Variants in GMNC observed in about 807,000 individuals in gnomAD.
The protein encoded by GMNC is geminin coiled-coil domain-containing protein 1.
In GMNC, 16 loss-of-function variants were observed where a neutral mutation model predicts 33.6. That is an observed-to-expected ratio of 0.48 (90% CI 0.32 to 0.72). GMNC has a LOEUF of 0.72. GMNC is among the 30% of genes least tolerant of loss of function. GMNC has a pLI of 0.03. For missense variants in GMNC, 393 were observed against 388.9 expected (o/e 1.01, Z -0.09); for synonymous variants, 156 against 147.3 (o/e 1.06, Z -0.43).
rs545760922 is a variant in GMNC, at chr3:190,861,231, A to G, written c.4-373T>C. On this transcript the variant is annotated intron_variant, in intron 1 of 4. Transcript: ENST00000442080. The surrounding 1 kb of genome is among the most constrained non-coding windows in gnomAD (Gnocchi z 5.1). ...TTAATGATTCAAAACCATAAGAACT[A>G]TTTGGTTCTTTCTGCAAATACCTTA... is the stretch of plus-strand genomic sequence containing the variant. Among the ~76,000 whole-genome samples the G allele has an allele frequency of 1.6e-4, 24 of 152,320 alleles. No homozygotes were observed. In the East Asian group the frequency reaches 4.6e-3, roughly 29 times the overall value.
At position 190,862,366 on chromosome 3, in the gene GMNC, G is replaced by GAGAC. The variant is rs1050178888; in HGVS notation, c.3+246_3+247insGTCT. 1.4e-5 allele frequency among the ~76,000 whole-genome samples: 2 copies of GAGAC among 144,308 alleles called. No homozygotes were observed. The highest frequency in any genetic ancestry group is 5.0e-5 in the African/African-American group (2 of 39,750). The allele number at this position is 144,308 out of a possible 152,430, so 94.7% of individuals were successfully genotyped here. ...AAGGAAAGTAGTAATAACAGAAAGA[G>GAGAC]AGAGAGAGGGCGAGAGAGAGAAAGG... On this transcript the variant is annotated intron_variant, in intron 1 of 4. Transcript: ENST00000442080. The surrounding 1 kb of genome is among the most constrained non-coding windows in gnomAD (Gnocchi z 4.5).
the GMNC span, among the ~76,000 whole-genome samples, chr3:190,846,457 CAT>C: frequency 2.2e-4 from 34 of 152,028 alleles, no homozygotes; most frequent in Non-Finnish European, 4.4e-4. Flanking sequence ...TTCACATATA[CAT>C]ATGTGTGTAT....
chr3:190,846,201 C>T, the GMNC span, among the ~76,000 whole-genome samples: 11 of 151,966 alleles, frequency 7.2e-5, no homozygotes, highest in Admixed American at 2.0e-4. Context: ...GCACTCCAAC[C>T]TGGGTGACAG....
rs542619794 is a variant in GMNC, at chr3:190,860,759, T to C, written c.103A>G (p.Thr35Ala). Residue 35 changes from threonine to alanine, a missense_variant, in exon 2 of 5, where the codon ACG (threonine) becomes GCG (alanine). By Grantham distance (58) the Thr-to-Ala change is moderately conservative. Transcript: ENST00000442080. Reference protein sequence around the residue: ...TTSESSVDVSTETWVSFWAAG... With the variant: ...TTSESSVDVSAETWVSFWAAG... ...GCCCAGAAAGAGACCCAAGTCTCCG[T>C]GGAAACGTCAACACTAGATTCTGAC... 1 of 1,551,580 alleles carries C rather than the reference T, an allele frequency of 6.4e-7. No individual in the cohort carries two copies. The highest frequency in any genetic ancestry group is 1.4e-5 in the African/African-American group (1 of 73,158).
intron 2 of GMNC, among the ~76,000 whole-genome samples, chr3:190,860,169 T>C (rs1209790848): frequency 6.6e-6 from 1 of 152,266 alleles, no homozygotes; most frequent in Non-Finnish European, 1.5e-5. Context: ...ATATGTCATT[T>C]TACATCAATG....
downstream of GMNC, among the ~76,000 whole-genome samples, chr3:190,851,322 C>T (rs1187450690): frequency 1.3e-5 from 2 of 152,172 alleles, no homozygotes; most frequent in African/African-American, 4.8e-5. Context: ...GCTCACAGAC[C>T]TTATCCCATG....
chr3:190,861,460 A>ATCTATCTATCTATCTG lies in GMNC; in HGVS notation c.4-603_4-602insCAGATAGATAGATAGA, dbSNP rs1306583190. ...CTGTCTGTCTGTCTGCCTATCATCT[A>ATCTATCTATCTATCTG]TCTATCTATCTATCTATCTATCTAT... On this transcript the variant is annotated intron_variant, in intron 1 of 4. Coordinates refer to ENST00000442080, the MANE Select transcript of GMNC (RefSeq NM_001146686.3). The surrounding 1 kb of genome is among the most constrained non-coding windows in gnomAD (Gnocchi z 5.1). Among the ~76,000 whole-genome samples, 48 of 56,988 alleles carry ATCTATCTATCTATCTG rather than the reference A, an allele frequency of 8.4e-4. No individual in the cohort carries two copies. The highest frequency in any genetic ancestry group is 1.8e-3 in the Non-Finnish European group (44 of 25,006). 37.4% of individuals were successfully genotyped at this position (56,988 alleles called of 152,430 possible). A position where few individuals can be genotyped will look rare whatever the true frequency, so the allele number is the denominator to read the frequency against.
chr3:190,859,902 G>C, intron 2 of GMNC: 1 of 421,448 alleles, frequency 2.4e-6, no homozygotes, highest in Non-Finnish European at 4.8e-6. Context: ...CACATTCTTG[G>C]GCATTTTGTT....
chr3:190,862,420 A>G lies in GMNC; in HGVS notation c.3+193T>C, dbSNP rs1011819933. 1.1e-4 allele frequency among the ~76,000 whole-genome samples: 16 copies of G among 147,920 alleles called. No homozygotes were observed. Among genetic ancestry groups the G allele is most frequent in the Non-Finnish European group, 1.5e-4 (10 of 66,668 alleles). The stretch of plus-strand genomic sequence containing the variant: ...GAAAGAAGAGGGAGAGAGGGAGAGA[A>G]AGAGAGAGAGAGAGAGAGAAAGCAG... On this transcript the variant is annotated intron_variant, in intron 1 of 4. Transcript: ENST00000442080. The surrounding 1 kb of genome is among the most constrained non-coding windows in gnomAD (Gnocchi z 4.5).
chr3:190,848,340 C>T (rs913271654), downstream of GMNC, among the ~76,000 whole-genome samples: 28 of 152,262 alleles, frequency 1.8e-4, no homozygotes, highest in Non-Finnish European at 1.9e-4. Flanking sequence ...CTACATAGGC[C>T]CCACACTTGG....
chr3:190,847,953 T>C (rs552121293), downstream of GMNC, among the ~76,000 whole-genome samples: 127 of 152,334 alleles, frequency 8.3e-4, no homozygotes, highest in Middle Eastern at 3.4e-3. Flanking sequence ...AACTGGTGGA[T>C]ATGCATCAAG....
rs1331849275 is a variant in GMNC, at chr3:190,852,922, T to A, written c.*2373A>T. 1.3e-5 allele frequency: 2 copies of A among 152,108 alleles called. No individual in the cohort carries two copies. Among genetic ancestry groups the A allele is most frequent in the Non-Finnish European group, 2.9e-5 (2 of 67,976 alleles). The allele number at this position is 152,108 out of a possible 1,614,324, so 9.4% of individuals were successfully genotyped here. A position where few individuals can be genotyped will look rare whatever the true frequency, so the allele number is the denominator to read the frequency against. The stretch of plus-strand genomic sequence containing the variant: ...AATTTCTAAAACATGAACAAAATAA[T>A]TTTCTATACATAATTTAAATGGATA... On this transcript the variant is annotated 3_prime_UTR_variant, in exon 5 of 5. Coordinates refer to ENST00000442080, the MANE Select transcript of GMNC (RefSeq NM_001146686.3).
At chr3:190,851,477 C>T (rs1737633404), downstream of GMNC, among the ~76,000 whole-genome samples, 1 of 152,170 alleles carries the variant, frequency 6.6e-6, no homozygotes. Context: ...GAAATATAAA[C>T]ATCAATGATG....
At chr3:190,855,942 A>G in intron 4 of GMNC, 27 bp from the exon 5 acceptor site, 1 of 1,485,200 alleles carries the variant, frequency 6.7e-7, no homozygotes, top group Non-Finnish European at 9.0e-7. Flanking sequence ...TGAAAGTTAT[A>G]CTTTTTTCAT....
In GMNC at chr3:190,862,584, G is replaced by A. The variant is rs1737896857; in HGVS notation, c.3+29C>T. ...CTTTCAGAGACCCAAGTTTGCCAGC[G>A]GACTAGCTAACGCCAGTTCCTCACT... On this transcript the variant is annotated intron_variant, in intron 1 of 4. Transcript: ENST00000442080. The surrounding 1 kb of genome is among the most constrained non-coding windows in gnomAD (Gnocchi z 4.5). 5 of 1,526,748 alleles carry A rather than the reference G, an allele frequency of 3.3e-6. No homozygotes were observed. Among genetic ancestry groups the A allele is most frequent in the South Asian group, 2.4e-5 (2 of 83,604 alleles). The allele number at this position is 1,526,748 out of a possible 1,614,324, so 94.6% of individuals were successfully genotyped here. A position where few individuals can be genotyped will look rare whatever the true frequency, so the allele number is the denominator to read the frequency against.
chr3:190,856,369 T>TTATAAA (rs1246956671), intron 4 of GMNC, among the ~76,000 whole-genome samples: 37 of 140,642 alleles, frequency 2.6e-4, no homozygotes, highest in African/African-American at 9.2e-4. Context: ...TTATAAATAT[T>TTATAAA]TAGAAATAGA....
chr3:190,862,587 C>G lies in GMNC; in HGVS notation c.3+26G>C. ...TCAGAGACCCAAGTTTGCCAGCGGA[C>G]TAGCTAACGCCAGTTCCTCACTTAC... On this transcript the variant is annotated intron_variant, in intron 1 of 4. Transcript: ENST00000442080. This position sits in a 1 kb window ranked among gnomAD's most constrained non-coding sequence, Gnocchi z 4.5. 1.3e-6 allele frequency: 2 copies of G among 1,536,380 alleles called. No homozygotes were observed. Among genetic ancestry groups the G allele is most frequent in the South Asian group, 2.4e-5 (2 of 83,762 alleles).
chr3:190,846,031 A>G, the GMNC span, among the ~76,000 whole-genome samples: 1 of 152,096 alleles, frequency 6.6e-6, no homozygotes, highest in Non-Finnish European at 1.5e-5. Flanking sequence ...AGAATGAGAC[A>G]AGCCTGGGCA....
chr3:190,845,895 C>T, the GMNC span, among the ~76,000 whole-genome samples: 1 of 152,224 alleles, frequency 6.6e-6, no homozygotes, highest in South Asian at 2.1e-4. Context: ...ACAAGAAGTT[C>T]CCACATTATA....
Sources: gnomAD v4.1 joint callset for allele counts (sites outside exome capture counted in the v4.1 genomes callset) on GRCh38, gnomAD v4.1.1 for gene constraint, Gnocchi (gnomAD v3.1) non-coding constraint, MANE v1.5 for transcripts, NCBI Gene and HGNC (gene_info 2026-07-23, HGNC 2026-07-21) for gene names.